TRAF3IP1: variants seen among roughly 807,000 people sequenced by gnomAD.
The protein encoded by TRAF3IP1 is TRAF3-interacting protein 1.
TRAF3IP1 carries 53 observed loss-of-function variants against 89.9 expected under a neutral mutation model. The observed-to-expected ratio is 0.59, with a 90% CI of 0.47 to 0.74. The LOEUF is 0.74. Among genes scored for constraint, TRAF3IP1 ranks in the 30% least tolerant of loss-of-function variants. The pLI is 0.00. For synonymous variants in TRAF3IP1, 311 were observed against 322.1 expected, an observed-to-expected ratio of 0.97 and a Z score of 0.37; for missense variants, 806 against 866.1, an observed-to-expected ratio of 0.93 and a Z score of 0.87.
chr2:238,367,627 G>A (rs1197531393), intron 15 of TRAF3IP1, among the ~76,000 whole-genome samples: 3 of 152,170 alleles, frequency 2.0e-5, no homozygotes, highest in South Asian at 2.1e-4. Flanking sequence ...GGGAGAGACC[G>A]CGGTGGGACC....
intron 1 of TRAF3IP1, among the ~76,000 whole-genome samples, chr2:238,322,601 T>C (rs1296938379): frequency 6.7e-6 from 1 of 149,204 alleles, no homozygotes; most frequent in Non-Finnish European, 1.5e-5. Flanking sequence ...GTAGGGAAGA[T>C]TGCTTGAGCC....
Position 238,325,891 on chromosome 2 carries a change from C to T in TRAF3IP1, c.275C>T (p.Pro92Leu), listed in dbSNP as rs1346091976. The change falls in exon 3 of 17, where the codon CCA becomes CTA. Residue 92 changes from proline to leucine, a missense_variant. Around this residue, in one of 3 missense-constraint regions of TRAF3IP1, gnomAD observed 732 missense variants for 780.5 expected, o/e 0.94. Transcript: ENST00000373327. ...TCGGGAGAGCCACTGTTGGCCAAAC[C>T]AGCCCGAATCGTGGCGGGGCATGAG... The part of the protein sequence containing the change: ...MVSGEPLLAK[P>L]ARIVAGHEPE... The T allele has an allele frequency of 6.2e-7, 1 of 1,614,216 alleles. No individual in the cohort carries two copies. Among genetic ancestry groups the T allele is most frequent in the South Asian group, 1.1e-5 (1 of 91,082 alleles).
chr2:238,351,657 G>A lies in TRAF3IP1; in HGVS notation c.1452-1170G>A, dbSNP rs1307716121. The stretch of plus-strand genomic sequence containing the variant: ...GACTTCCTGGTACTGACAGAGCAGC[G>A]GGTTCGAAGTGAGGTTGGTCCTGGC... On this transcript the variant is annotated intron_variant, in intron 12 of 16. Coordinates refer to ENST00000373327, the MANE Select transcript of TRAF3IP1 (RefSeq NM_015650.4). The surrounding 1 kb of genome is among the most constrained non-coding windows in gnomAD (Gnocchi z 5.2). Among the ~76,000 whole-genome samples, 1 of 152,154 alleles carries A rather than the reference G, an allele frequency of 6.6e-6. No individual in the cohort carries two copies. Among genetic ancestry groups the A allele is most frequent in the Admixed American group, 6.5e-5 (1 of 15,292 alleles).
At chr2:238,335,471 C>T (rs1473221004) in intron 7 of TRAF3IP1, among the ~76,000 whole-genome samples, 6 of 151,886 alleles carry the variant, frequency 4.0e-5, no homozygotes, top group Admixed American at 6.6e-5. Flanking sequence ...TTTATTTTTA[C>T]TATTAGTTTT....
At chr2:238,357,964 A>G (rs1699493773) in intron 15 of TRAF3IP1, among the ~76,000 whole-genome samples, 1 of 152,230 alleles carries the variant, frequency 6.6e-6, no homozygotes, top group South Asian at 2.1e-4. Context: ...TGTTTTGAAA[A>G]AGAGTGGTCA....
chr2:238,356,903 C>T lies in TRAF3IP1; in HGVS notation c.1689+823C>T, dbSNP rs543524846. Among the ~76,000 whole-genome samples the T allele has an allele frequency of 7.2e-5, 11 of 152,038 alleles. No individual in the cohort carries two copies. The East Asian group carries it at 2.1e-3, about 30-fold the overall frequency. ...ACGCCATTCTCCTGCCTCAGCCTCC[C>T]GTGTAGCTGGGACTACAGGTGCTCG... On this transcript the variant is annotated intron_variant, in intron 15 of 16. Coordinates refer to ENST00000373327, the MANE Select transcript of TRAF3IP1 (RefSeq NM_015650.4).
intron 15 of TRAF3IP1, among the ~76,000 whole-genome samples, chr2:238,373,175 G>A (rs1173117760): frequency 6.6e-6 from 1 of 152,160 alleles, no homozygotes. Context: ...TGTTGCCATT[G>A]CTTTTGGTGT....
chr2:238,336,680 G>C (rs572850186), intron 7 of TRAF3IP1, among the ~76,000 whole-genome samples: 1 of 152,180 alleles, frequency 6.6e-6, no homozygotes, highest in South Asian at 2.1e-4. Flanking sequence ...AATTTCATTT[G>C]TTTGTTAACT....
At chr2:238,343,541 C>G (rs1415256726) in intron 8 of TRAF3IP1, among the ~76,000 whole-genome samples, 1 of 151,984 alleles carries the variant, frequency 6.6e-6, no homozygotes, top group Non-Finnish European at 1.5e-5. Flanking sequence ...GCCACCATGC[C>G]TAGCTAATTT....
In TRAF3IP1 at chr2:238,351,908, T is replaced by G. The variant is rs918405445; in HGVS notation, c.1452-919T>G. ...GCGTGCATGTGCTTGTGTGTATGCG[T>G]GTGTGTGTGTGTGTGTGTGTATGCA... On this transcript the variant is annotated intron_variant, in intron 12 of 16. Transcript: ENST00000373327. The surrounding 1 kb of genome is among the most constrained non-coding windows in gnomAD (Gnocchi z 5.2). Among the ~76,000 whole-genome samples the G allele has an allele frequency of 7.1e-6, 1 of 141,062 alleles. No individual in the cohort carries two copies. The highest frequency in any genetic ancestry group is 1.6e-5 in the Non-Finnish European group (1 of 63,432). 92.5% of individuals were successfully genotyped at this position (141,062 alleles called of 152,430 possible).
At chr2:238,348,207 A>C (rs1698988993) in intron 10 of TRAF3IP1, among the ~76,000 whole-genome samples, 1 of 152,052 alleles carries the variant, frequency 6.6e-6, no homozygotes, top group Admixed American at 6.6e-5. Flanking sequence ...AAAAATGCAA[A>C]AAAAAAAGAA....
chr2:238,333,651 A>C (rs2106370649), intron 6 of TRAF3IP1, among the ~76,000 whole-genome samples: 1 of 152,388 alleles, frequency 6.6e-6, no homozygotes. Flanking sequence ...ATATAGCAAC[A>C]GAAGTGGAGT....
chr2:238,336,310 GCTCAGTGGACTC>G (rs762543881), intron 7 of TRAF3IP1, among the ~76,000 whole-genome samples: 16 of 152,272 alleles, frequency 1.1e-4, no homozygotes, highest in Non-Finnish European at 1.9e-4. Context: ...GCTATCAACA[GCTCAGTGGACTC>G]CTGTCTTCCC....
chr2:238,329,226 C>G lies in TRAF3IP1; in HGVS notation c.799C>G (p.Arg267Gly), dbSNP rs544532079. 2.2e-5 allele frequency: 34 copies of G among 1,551,246 alleles called. No individual in the cohort carries two copies. The highest frequency in any genetic ancestry group is 2.8e-5 in the African/African-American group (2 of 72,116). The change falls in exon 5 of 17, where the codon CGA becomes GGA. Residue 267 changes from arginine (R) to glycine (G), a missense_variant. Physicochemically the swap from Arg to Gly is moderately radical, Grantham distance 125. Around this residue, in one of 3 missense-constraint regions of TRAF3IP1, gnomAD observed 732 missense variants for 780.5 expected, o/e 0.94. Coordinates refer to ENST00000373327, the MANE Select transcript of TRAF3IP1 (RefSeq NM_015650.4). ...GAAGGAGAGACTGAGAGACAGGGAC[C>G]GAGAGCGCGACCGGGACAAAGGGAA... ...KEKERLRDRD[R>G]ERDRDKGKDR...
In TRAF3IP1 at chr2:238,349,301, T is replaced by C. The variant is rs749786345; in HGVS notation, c.1368-24T>C. Reference sequence around the variant, plus strand: ...GTATAAGCCTTTCATACTCCTTTTTTGGTTTTCCAATATTTGGGTTTAGAA... The same window carrying C: ...GTATAAGCCTTTCATACTCCTTTTTCGGTTTTCCAATATTTGGGTTTAGAA... On this transcript the variant is annotated intron_variant, in intron 11 of 16. Transcript: ENST00000373327. 1.6e-5 allele frequency: 25 copies of C among 1,612,048 alleles called. 1 individual carries two copies. The South Asian group carries it at 2.8e-4, about 18-fold the overall frequency.
At chr2:238,375,313 G>A (rs887820495) in intron 15 of TRAF3IP1, among the ~76,000 whole-genome samples, 6 of 152,202 alleles carry the variant, frequency 3.9e-5, no homozygotes, top group Non-Finnish European at 8.8e-5. Context: ...GTGTCCCAGA[G>A]ATTCCGGTAT....
At chr2:238,340,008 G>C (rs895735093) in intron 8 of TRAF3IP1, among the ~76,000 whole-genome samples, 1 of 150,432 alleles carries the variant, frequency 6.6e-6, no homozygotes, top group Non-Finnish European at 1.5e-5. Context: ...ACCTGCTGGG[G>C]AGCAGAGTCT....
intron 15 of TRAF3IP1, among the ~76,000 whole-genome samples, chr2:238,357,579 A>G (rs7578701): frequency 0.12 from 18,134 of 152,192 alleles, 1,853 homozygotes; most frequent in African/African-American, 0.28. Context: ...TAACTGGAGA[A>G]TGTTGTCGGC....
rs148697277 is a variant in TRAF3IP1, at chr2:238,332,638, G to A, written c.916-186G>A. Among the ~76,000 whole-genome samples, 625 of 152,232 alleles carry A rather than the reference G, an allele frequency of 4.1e-3. 5 individuals are homozygous for A. The highest frequency in any genetic ancestry group is 7.3e-3 in the Non-Finnish European group (497 of 68,008). On this transcript the variant is annotated intron_variant, in intron 5 of 16. Coordinates refer to ENST00000373327, the MANE Select transcript of TRAF3IP1 (RefSeq NM_015650.4). Reference sequence around the variant, plus strand: ...GAAGAGATCTCCCTGCCATTGGCTCGGAAGACTCTTGGGGAACGCAGGCAG... The same window carrying A: ...GAAGAGATCTCCCTGCCATTGGCTCAGAAGACTCTTGGGGAACGCAGGCAG...
Sources: gnomAD v4.1 joint callset for allele counts (sites outside exome capture counted in the v4.1 genomes callset) on GRCh38, gnomAD v4.1.1 for gene constraint, gnomAD v4.1.1 regional missense constraint, Gnocchi (gnomAD v3.1) non-coding constraint, MANE v1.5 for transcripts, NCBI Gene and HGNC (gene_info 2026-07-23, HGNC 2026-07-21) for gene names.